Variants in FAAH2 observed in about 807,000 individuals in gnomAD.
FAAH2 encodes the protein fatty-acid amide hydrolase 2.
A neutral mutation model predicts 36.9 loss-of-function variants in FAAH2; 60 were observed. The ratio of observed to expected loss-of-function variants is 1.63; its 90% CI spans 1.32 to 2.02. FAAH2 has a LOEUF of 2.02. Among genes scored for constraint, FAAH2 ranks in the 30% most tolerant of loss-of-function variants. The pLI is 0.00. For synonymous variants in FAAH2, 214 were observed against 143.8 expected (o/e 1.49, Z -3.49); for missense variants, 689 against 397.5 (o/e 1.73, Z -6.23).
chrX:57,173,284 G>T, the FAAH2 span, among the ~76,000 whole-genome samples: 3 of 112,009 alleles, frequency 2.7e-5, no homozygotes, highest in Non-Finnish European at 5.6e-5. Flanking sequence ...TCCTTATAGA[G>T]ATTTTTCACT....
At position 57,480,317 on chromosome X, in the gene FAAH2, A is replaced by T. The variant is rs1050177806; in HGVS notation, c.1424-8440A>T. ...GGGCAAAGACACAACCAAAAAATAG[A>T]ATTTTAGACCAATATCCTCGATGAA... On this transcript the variant is annotated intron_variant, in intron 10 of 10. Coordinates refer to ENST00000374900, the MANE Select transcript of FAAH2 (RefSeq NM_174912.4). Among the ~76,000 whole-genome samples, 77 of 112,019 alleles carry T rather than the reference A, an allele frequency of 6.9e-4. 1 individual carries two copies. In the Admixed American group the frequency reaches 7.3e-3, roughly 11 times the overall value.
At chrX:57,444,658 A>G (rs1452227000) in intron 8 of FAAH2, among the ~76,000 whole-genome samples, 2 of 111,232 alleles carry the variant, frequency 1.8e-5, no homozygotes, top group African/African-American at 6.5e-5. Context: ...AAAATCACCC[A>G]TCTTCTGTGT....
At chrX:57,383,193 A>G (rs2054905820) in intron 7 of FAAH2, among the ~76,000 whole-genome samples, 1 of 112,093 alleles carries the variant, frequency 8.9e-6, no homozygotes, top group African/African-American at 3.2e-5. Flanking sequence ...AATAAGAGCT[A>G]TCTATGACAA....
chrX:57,351,131 T>A (rs1238385558), intron 5 of FAAH2, among the ~76,000 whole-genome samples: 1 of 111,611 alleles, frequency 9.0e-6, no homozygotes, highest in Non-Finnish European at 1.9e-5. Flanking sequence ...ATTGAAATTA[T>A]ATCAAGTATC....
intron 2 of FAAH2, among the ~76,000 whole-genome samples, chrX:57,304,859 A>G (rs1043614786): frequency 4.5e-5 from 5 of 111,591 alleles, no homozygotes; most frequent in Admixed American, 9.5e-5. Context: ...GGAACAACTT[A>G]ATGAATTTAA....
intron 7 of FAAH2, among the ~76,000 whole-genome samples, chrX:57,391,606 TTG>T (rs1182984813): frequency 1.8e-5 from 2 of 111,004 alleles, no homozygotes; most frequent in Non-Finnish European, 3.8e-5. Flanking sequence ...CTGTTTATTT[TTG>T]TCAACTTTGT....
At chrX:57,261,437 C>T in the FAAH2 span, among the ~76,000 whole-genome samples, 1 of 106,742 alleles carries the variant, frequency 9.4e-6, no homozygotes, top group Admixed American at 1.0e-4. Flanking sequence ...CCTGTAATCC[C>T]AGCTACTCAG....
At chrX:57,277,577 A>C in the FAAH2 span, among the ~76,000 whole-genome samples, 2 of 111,985 alleles carry the variant, frequency 1.8e-5, no homozygotes, top group Non-Finnish European at 3.8e-5. Flanking sequence ...GGCTAGGGCA[A>C]TCAGGCAAGA....
chrX:57,352,097 T>TATATATATATATAC lies in FAAH2; in HGVS notation c.742+10717_742+10718insATACATATATATAT, dbSNP rs2054032601. 2.0e-3 allele frequency among the ~76,000 whole-genome samples: 2 copies of TATATATATATATAC among 1,014 alleles called. 1 individual carries two copies. Among genetic ancestry groups the TATATATATATATAC allele is most frequent in the Non-Finnish European group, 0.015 (2 of 133 alleles). 0.9% of individuals were successfully genotyped at this position (1,014 alleles called of 115,157 possible). ...ATATATATGTGTATATATATGCACA[T>TATATATATATATAC]ATATATATATGTGTATATATATGCA... On this transcript the variant is annotated intron_variant, in intron 5 of 10. Transcript: ENST00000374900.
intron 5 of FAAH2, among the ~76,000 whole-genome samples, chrX:57,343,768 T>C (rs1569276547): frequency 9.0e-6 from 1 of 111,621 alleles, no homozygotes; most frequent in Non-Finnish European, 1.9e-5. Flanking sequence ...AAATATTTAA[T>C]TTATATTTAG....
intron 5 of FAAH2, among the ~76,000 whole-genome samples, chrX:57,350,219 G>T: frequency 9.0e-6 from 1 of 111,101 alleles, no homozygotes; most frequent in Admixed American, 9.6e-5. Context: ...GAGGGAATTT[G>T]TCACGATTAG....
the FAAH2 span, among the ~76,000 whole-genome samples, chrX:57,260,512 C>G: frequency 9.0e-6 from 1 of 111,569 alleles, no homozygotes; most frequent in Non-Finnish European, 1.9e-5. Context: ...ATTTCTTAAA[C>G]AGAACAAAAT....
intron 10 of FAAH2, among the ~76,000 whole-genome samples, chrX:57,468,404 G>A (rs535252806): frequency 8.9e-6 from 1 of 111,934 alleles, no homozygotes; most frequent in South Asian, 3.7e-4. Context: ...GTCCTTAAAT[G>A]ACCTGATGGA....
chrX:57,251,951 G>A, the FAAH2 span, among the ~76,000 whole-genome samples: 3 of 111,849 alleles, frequency 2.7e-5, no homozygotes, highest in Non-Finnish European at 3.8e-5. Context: ...TCCTAGCCAA[G>A]GGAAGCCATG....
intron 2 of FAAH2, among the ~76,000 whole-genome samples, chrX:57,296,922 T>C (rs1265374809): frequency 9.1e-6 from 1 of 109,417 alleles, no homozygotes; most frequent in Non-Finnish European, 1.9e-5. Flanking sequence ...TAAAAAGAAA[T>C]GAACCAGCAT....
the FAAH2 span, among the ~76,000 whole-genome samples, chrX:57,151,277 G>A: frequency 5.4e-5 from 6 of 111,029 alleles, no homozygotes; most frequent in Non-Finnish European, 1.1e-4. Context: ...TTGTGGCATT[G>A]TCTGTATTTC....
At chrX:57,431,463 C>T (rs943326537) in intron 7 of FAAH2, among the ~76,000 whole-genome samples, 1 of 111,967 alleles carries the variant, frequency 8.9e-6, no homozygotes, top group Admixed American at 9.5e-5. Context: ...ACTATGCTAT[C>T]ATTCCAGTTA....
At chrX:57,149,448 C>T in the FAAH2 span, among the ~76,000 whole-genome samples, 18 of 111,515 alleles carry the variant, frequency 1.6e-4, no homozygotes, top group African/African-American at 5.2e-4. Context: ...TGTTATTGGT[C>T]TATTCAGAGA....
At chrX:57,142,453 G>T in the FAAH2 span, among the ~76,000 whole-genome samples, 1 of 111,782 alleles carries the variant, frequency 8.9e-6, no homozygotes, top group Admixed American at 9.5e-5. Context: ...TTATTCCATT[G>T]TAGTTAGAAA....
Sources: allele counts gnomAD v4.1 joint callset (sites outside exome capture counted in the v4.1 genomes callset), GRCh38; gene constraint gnomAD v4.1.1; transcripts MANE v1.5; gene names NCBI Gene and HGNC (gene_info 2026-07-23, HGNC 2026-07-21).